The following PLXNA4 variants were observed in gnomAD, a reference collection of about 807,000 sequenced individuals.
PLXNA4 encodes plexin-A4.
Under a neutral mutation model 191.8 loss-of-function variants are expected in PLXNA4, and 44 were observed. The ratio of observed to expected loss-of-function variants is 0.23; its 90% CI spans 0.18 to 0.29. The LOEUF (loss-of-function observed/expected upper bound fraction) is 0.29. Among genes scored for constraint, PLXNA4 ranks in the 10% least tolerant of loss-of-function variants. PLXNA4 has a pLI of 1.00. For missense variants in PLXNA4, 1,800 were observed against 2,488.8 expected (o/e 0.72, Z 5.89); for synonymous variants, 1,082 against 1,009.5 (o/e 1.07, Z -1.36).
chr7:132,618,154 G>T (rs1803191527), intron 2 of PLXNA4, among the ~76,000 whole-genome samples: 1 of 152,216 alleles, frequency 6.6e-6, no homozygotes, highest in Admixed American at 6.5e-5. Flanking sequence ...GTCCCTAGCT[G>T]GGCAGCCATT....
intron 30 of PLXNA4, among the ~76,000 whole-genome samples, chr7:132,136,110 TC>T (rs1795105260): frequency 6.6e-6 from 1 of 151,898 alleles, no homozygotes; most frequent in African/African-American, 2.4e-5. Flanking sequence ...CCCCTCCTGC[TC>T]CCCCACTCCC....
At chr7:132,569,776 A>G (rs1269855422) in intron 1 of PLXNA4, among the ~76,000 whole-genome samples, 1 of 152,232 alleles carries the variant, frequency 6.6e-6, no homozygotes. Context: ...TTCCTTGGAA[A>G]GACAAGGGAC....
Position 132,643,175 on chromosome 7 carries a change from C to A in PLXNA4, c.-87+2753G>T, listed in dbSNP as rs77142932. ...GTGGCTCTGTTTGTGGGAAGGCTTG[C>A]ATGTGGACAGGTAATGATGAAGCTC... On this transcript the variant is annotated intron_variant, in intron 2 of 4. Transcript: ENST00000378539. 9.9e-3 allele frequency among the ~76,000 whole-genome samples: 1,502 copies of A among 152,208 alleles called. 20 individuals carry two copies. Among genetic ancestry groups the A allele is most frequent in the African/African-American group, 0.034 (1,408 of 41,514 alleles).
chr7:132,243,203 AG>A (rs1424858931), intron 4 of PLXNA4, among the ~76,000 whole-genome samples: 3 of 152,228 alleles, frequency 2.0e-5, no homozygotes, highest in Non-Finnish European at 4.4e-5. Flanking sequence ...AAATAATAAA[AG>A]GGGCCATAAA....
chr7:132,372,347 G>A (rs534417098), intron 3 of PLXNA4, among the ~76,000 whole-genome samples: 1 of 152,350 alleles, frequency 6.6e-6, no homozygotes, highest in East Asian at 1.9e-4. Context: ...ATACCATTCA[G>A]TATCACCACA....
intron 3 of PLXNA4, among the ~76,000 whole-genome samples, chr7:132,463,437 T>C (rs935447533): frequency 2.6e-5 from 4 of 152,202 alleles, no homozygotes; most frequent in African/African-American, 4.8e-5. Context: ...CTTTGTGCAA[T>C]GTACTTTATT....
intron 1 of PLXNA4, among the ~76,000 whole-genome samples, chr7:132,646,499 T>C (rs908037263): frequency 2.0e-5 from 3 of 152,044 alleles, no homozygotes; most frequent in African/African-American, 7.3e-5. Context: ...AGGGTCCCAG[T>C]GATGGAATTA....
chr7:132,575,581 G>A (rs971425100), intron 1 of PLXNA4, among the ~76,000 whole-genome samples: 31 of 152,238 alleles, frequency 2.0e-4, no homozygotes, highest in Admixed American at 8.5e-4. Flanking sequence ...GGGAGGGTAG[G>A]GAGGTGAGAG....
chr7:132,398,658 T>C (rs1046933535), intron 3 of PLXNA4, among the ~76,000 whole-genome samples: 4 of 152,210 alleles, frequency 2.6e-5, no homozygotes, highest in African/African-American at 9.6e-5. Context: ...CTGAGGCCAT[T>C]GCCATAAATG....
At chr7:132,596,763 G>T (rs1802717102) in intron 2 of PLXNA4, among the ~76,000 whole-genome samples, 1 of 151,328 alleles carries the variant, frequency 6.6e-6, no homozygotes, top group Non-Finnish European at 1.5e-5. Flanking sequence ...GGAAGGCTGT[G>T]ACAACTTTCA....
Position 132,185,333 on chromosome 7 carries a change from T to C in PLXNA4, c.3124A>G (p.Ile1042Val), listed in dbSNP as rs1796842285. 1 of 1,613,978 alleles carries C rather than the reference T, an allele frequency of 6.2e-7. No individual in the cohort carries two copies. Among genetic ancestry groups the C allele is most frequent in the African/African-American group, 1.3e-5 (1 of 75,052 alleles). The change falls in exon 16 of 32, where the codon ATC (isoleucine) becomes GTC (valine). Residue 1042 changes from isoleucine to valine, a missense_variant. Physicochemically the swap from Ile to Val is conservative, Grantham distance 29 (BLOSUM62 3). Around this residue, in one of 6 missense-constraint regions of PLXNA4, gnomAD observed 1,397 missense variants for 1,880.4 expected, o/e 0.74. Transcript: ENST00000321063. ...LVFQYVEDPTIVRIEPEWSIV... is the reference protein window; with the variant it reads ...LVFQYVEDPTVVRIEPEWSIV... ...CTCCATTCTGGCTCAATCCGCACGATGGTGGGGTCTTCCACATACTGAAAG... is the reference window on the plus strand; with the variant it reads ...CTCCATTCTGGCTCAATCCGCACGACGGTGGGGTCTTCCACATACTGAAAG...
intron 3 of PLXNA4, among the ~76,000 whole-genome samples, chr7:132,311,860 G>A (rs1801755822): frequency 6.6e-6 from 1 of 152,242 alleles, no homozygotes; most frequent in East Asian, 1.9e-4. Flanking sequence ...AGCCTTCCCT[G>A]GGCTTAGAAT....
At chr7:132,595,831 A>G (rs1169552994) in intron 2 of PLXNA4, among the ~76,000 whole-genome samples, 2 of 152,252 alleles carry the variant, frequency 1.3e-5, no homozygotes, top group Middle Eastern at 3.2e-3. Context: ...AATAATTGTT[A>G]TCATCTTGTC....
At chr7:132,161,979 T>A (rs1584779790) in intron 24 of PLXNA4, among the ~76,000 whole-genome samples, 1 of 152,118 alleles carries the variant, frequency 6.6e-6, no homozygotes, top group African/African-American at 2.4e-5. Context: ...ATCAATCCAA[T>A]AAATCACTAA....
chr7:132,405,622 C>T (rs150216716), intron 3 of PLXNA4, among the ~76,000 whole-genome samples: 27 of 152,272 alleles, frequency 1.8e-4, no homozygotes, highest in Non-Finnish European at 2.5e-4. Context: ...AAGCCAGGGA[C>T]GCTGGGCTGA....
chr7:132,143,229 A>G (rs1795320427), intron 29 of PLXNA4, among the ~76,000 whole-genome samples: 1 of 152,172 alleles, frequency 6.6e-6, no homozygotes. Flanking sequence ...TGTCTTCCTC[A>G]GCATAGCAAT....
intron 5 of PLXNA4, among the ~76,000 whole-genome samples, chr7:132,232,611 G>C (rs1798560456): frequency 6.6e-6 from 1 of 152,114 alleles, no homozygotes; most frequent in Non-Finnish European, 1.5e-5. Context: ...CCCCTGGAAG[G>C]GGTTATTATT....
At chr7:132,439,075 C>T (rs991160390) in intron 3 of PLXNA4, among the ~76,000 whole-genome samples, 3 of 152,184 alleles carry the variant, frequency 2.0e-5, no homozygotes, top group Admixed American at 2.0e-4. Context: ...ATTCAGCAGC[C>T]CTGGTATCAT....
intron 2 of PLXNA4, among the ~76,000 whole-genome samples, chr7:132,621,820 G>A (rs1309890917): frequency 2.0e-5 from 3 of 152,168 alleles, no homozygotes; most frequent in Admixed American, 1.3e-4. Context: ...ATTTCAAATC[G>A]AATTAGTGAA....
Sources: allele counts gnomAD v4.1 joint callset (sites outside exome capture counted in the v4.1 genomes callset), GRCh38; gene constraint gnomAD v4.1.1; regional missense constraint gnomAD v4.1.1; transcripts MANE v1.5; gene names NCBI Gene and HGNC (gene_info 2026-07-23, HGNC 2026-07-21).